MTTP: variants seen among roughly 807,000 people sequenced by gnomAD.
MTTP encodes the protein microsomal triglyceride transfer protein large subunit.
A neutral mutation model predicts 90.6 loss-of-function variants in MTTP; 49 were observed. The ratio of observed to expected loss-of-function variants is 0.54; its 90% CI spans 0.43 to 0.69. MTTP has a LOEUF of 0.69. MTTP is among the 30% of genes least tolerant of loss of function. The pLI is 0.00. For missense variants in MTTP, 945 were observed against 1,067.5 expected, an observed-to-expected ratio of 0.89 and a Z score of 1.60; for synonymous variants, 347 against 384.2, an observed-to-expected ratio of 0.90 and a Z score of 1.13.
chr4:99,592,397 C>T (rs1019592143), intron 6 of MTTP, among the ~76,000 whole-genome samples: 28 of 152,210 alleles, frequency 1.8e-4, no homozygotes, highest in Non-Finnish European at 3.8e-4. Flanking sequence ...ACGTTAAAAA[C>T]TTTTTAATTT....
upstream of MTTP, chr4:99,570,760 A>AG (rs1242235475): frequency 2.2e-6 from 1 of 455,790 alleles, no homozygotes. Context: ...AGAGATGGTC[A>AG]GAGTGATATG....
At chr4:99,567,475 C>T (rs891417272) in intron 1 of MTTP, among the ~76,000 whole-genome samples, 1 of 152,078 alleles carries the variant, frequency 6.6e-6, no homozygotes, top group African/African-American at 2.4e-5. Flanking sequence ...AAACTGCCAA[C>T]AAAAAATCAC....
chr4:99,616,183 C>T (rs1726094952), intron 15 of MTTP, among the ~76,000 whole-genome samples: 1 of 152,132 alleles, frequency 6.6e-6, no homozygotes, highest in African/African-American at 2.4e-5. Context: ...CCCTTGAGCT[C>T]AGAAGTTTGA....
At chr4:99,595,219 G>A (rs563389557) in intron 7 of MTTP, among the ~76,000 whole-genome samples, 1 of 152,262 alleles carries the variant, frequency 6.6e-6, no homozygotes, top group Non-Finnish European at 1.5e-5. Context: ...AACCTTGAAA[G>A]TTCTGTCACA....
Position 99,597,199 on chromosome 4 carries a change from C to G in MTTP, c.1042C>G (p.Leu348Val). The G allele has an allele frequency of 1.9e-6, 3 of 1,613,778 alleles. No homozygotes were observed. Among genetic ancestry groups the G allele is most frequent in the South Asian group, 2.2e-5 (2 of 91,084 alleles). The change falls in exon 8 of 18, where the codon CTA becomes GTA. Residue 348 changes from leucine (L) to valine (V), a missense_variant. Coordinates refer to ENST00000265517, the MANE Select transcript of MTTP (RefSeq NM_001386140.1). ...TAKKEEILQI[L>V]KMENKEVLPQ... ...GAAGAAAGAAGAGATCCTTCAAATA[C>G]TAAAGATGGAAAATAAGGAAGTATT...
chr4:99,573,947 C>T (rs1181503954), upstream of MTTP, among the ~76,000 whole-genome samples: 1 of 152,136 alleles, frequency 6.6e-6, no homozygotes, highest in African/African-American at 2.4e-5. Context: ...CATATCAGGT[C>T]TCTCTCATGG....
At chr4:99,583,945 G>T in intron 3 of MTTP, 1 of 218,624 alleles carries the variant, frequency 4.6e-6, no homozygotes. Flanking sequence ...TGAGATTATC[G>T]ATATCTGGCT....
intron 8 of MTTP, among the ~76,000 whole-genome samples, 192 bp downstream of exon 8, chr4:99,597,416 A>G (rs1725585148): frequency 6.6e-6 from 1 of 152,186 alleles, no homozygotes. Context: ...GAAATACAAT[A>G]GCAGATTTTC....
intron 10 of MTTP, among the ~76,000 whole-genome samples, chr4:99,605,903 G>GTGTGTC (rs1725805745): frequency 6.6e-6 from 1 of 151,060 alleles, no homozygotes; most frequent in African/African-American, 2.5e-5. Context: ...GTGTGTCTGT[G>GTGTGTC]TGTTTGTGTG....
At chr4:99,600,803 AG>A in intron 9 of MTTP, 70 bp downstream of exon 9, 3 of 1,477,900 alleles carry the variant, frequency 2.0e-6, no homozygotes, top group Non-Finnish European at 2.8e-6. Context: ...AGTAATTAAA[AG>A]TTTCTTAGAT....
chr4:99,610,109 C>T (rs1161058167), intron 12 of MTTP, among the ~76,000 whole-genome samples: 1 of 152,120 alleles, frequency 6.6e-6, no homozygotes, highest in Non-Finnish European at 1.5e-5. Context: ...TGGTATCTCT[C>T]CACTGTAGGG....
upstream of MTTP, among the ~76,000 whole-genome samples, chr4:99,571,269 T>C (rs1489941811): frequency 2.0e-5 from 3 of 151,990 alleles, no homozygotes; most frequent in Non-Finnish European, 4.4e-5. Flanking sequence ...TGTTGTATCG[T>C]ATATACTTTA....
intron 3 of MTTP, among the ~76,000 whole-genome samples, chr4:99,587,896 G>A (rs1261580750): frequency 1.3e-5 from 2 of 152,078 alleles, no homozygotes; most frequent in Non-Finnish European, 2.9e-5. Flanking sequence ...CTCAGGCTTG[G>A]GTCTGAGATA....
chr4:99,597,984 A>C (rs2110222816), intron 8 of MTTP, among the ~76,000 whole-genome samples: 1 of 152,332 alleles, frequency 6.6e-6, no homozygotes, highest in South Asian at 2.1e-4. Context: ...CATAATCAAA[A>C]GTGGAAATTA....
At chr4:99,598,342 T>C (rs777676497) in intron 8 of MTTP, among the ~76,000 whole-genome samples, 8 of 152,146 alleles carry the variant, frequency 5.3e-5, no homozygotes, top group Non-Finnish European at 1.2e-4. Context: ...ACTCTCAAAG[T>C]ACATAGGCAT....
At chr4:99,615,661 C>G (rs1012131277) in intron 15 of MTTP, among the ~76,000 whole-genome samples, 2 of 152,232 alleles carry the variant, frequency 1.3e-5, no homozygotes, top group East Asian at 3.9e-4. Flanking sequence ...TAGCCCATCA[C>G]AGCCACCAGG....
At chr4:99,608,018 G>T (rs1433237400) in intron 11 of MTTP, among the ~76,000 whole-genome samples, 2 of 152,072 alleles carry the variant, frequency 1.3e-5, no homozygotes, top group Non-Finnish European at 2.9e-5. Flanking sequence ...TCATTGTAAG[G>T]AAACATTACT....
intron 15 of MTTP, among the ~76,000 whole-genome samples, chr4:99,617,246 G>A (rs1726119151): frequency 6.6e-6 from 1 of 152,132 alleles, no homozygotes; most frequent in Admixed American, 6.6e-5. Context: ...TATATCAAAT[G>A]TCTCTTTAAG....
At chr4:99,587,736 A>C (rs998617881) in intron 3 of MTTP, among the ~76,000 whole-genome samples, 6 of 152,148 alleles carry the variant, frequency 3.9e-5, no homozygotes, top group Admixed American at 3.9e-4. Context: ...ATTGCCACTG[A>C]GTGAACACTT....
Sources: allele counts gnomAD v4.1 joint callset (sites outside exome capture counted in the v4.1 genomes callset), GRCh38; gene constraint gnomAD v4.1.1; transcripts MANE v1.5; gene names NCBI Gene and HGNC (gene_info 2026-07-23, HGNC 2026-07-21).